WHR1: variants seen among roughly 807,000 people sequenced by gnomAD.
The protein encoded by WHR1 is MHC class III HLA-RP1.
chr6:31,972,548 C>T, the WHR1 span: 6 of 1,594,144 alleles, frequency 3.8e-6, no homozygotes, highest in Middle Eastern at 3.3e-4. This position sits in a 1 kb window ranked among gnomAD's most constrained non-coding sequence, Gnocchi z 6.3. Context: ...GCCTCGCTTC[C>T]GGTAGCCGAG....
the WHR1 span, chr6:31,972,807 A>G: frequency 8.1e-6 from 13 of 1,601,302 alleles, no homozygotes; most frequent in Non-Finnish European, 1.1e-5. The surrounding 1 kb of genome is among the most constrained non-coding windows in gnomAD (Gnocchi z 6.3). Flanking sequence ...AACTCCTGGA[A>G]TTCCCTGTCA....
At chr6:31,972,864 G>T in the WHR1 span, 1 of 1,554,188 alleles carries the variant, frequency 6.4e-7, no homozygotes. This position sits in a 1 kb window ranked among gnomAD's most constrained non-coding sequence, Gnocchi z 6.3. Context: ...CCTTTCAGGC[G>T]AGGGCACTGT....
At chr6:31,980,284 G>A in the WHR1 span, 2 of 592,880 alleles carry the variant, frequency 3.4e-6, no homozygotes, top group African/African-American at 1.9e-5. Flanking sequence ...CACCAACAGA[G>A]GCAGTTGGTG....
chr6:31,971,620 C>T, the WHR1 span: 3 of 1,612,552 alleles, frequency 1.9e-6, no homozygotes, highest in South Asian at 1.1e-5. This position sits in a 1 kb window ranked among gnomAD's most constrained non-coding sequence, Gnocchi z 4.5. Context: ...TAGTTTGTTC[C>T]GAGGCTCAGC....
the WHR1 span, chr6:31,972,320 CCG>C: frequency 6.2e-7 from 1 of 1,613,148 alleles, no homozygotes; most frequent in Non-Finnish European, 8.5e-7. The surrounding 1 kb of genome is among the most constrained non-coding windows in gnomAD (Gnocchi z 6.3). Flanking sequence ...CCCGGGGAGA[CCG>C]TACGTCACTG....
chr6:31,980,067 G>C, the WHR1 span: 7 of 268,440 alleles, frequency 2.6e-5, no homozygotes, highest in Non-Finnish European at 5.0e-5. Flanking sequence ...CACTCTCAGA[G>C]AGATGTGGTG....
chr6:31,971,608 G>A, the WHR1 span: 1 of 1,613,358 alleles, frequency 6.2e-7, no homozygotes, highest in Non-Finnish European at 8.5e-7. This position sits in a 1 kb window ranked among gnomAD's most constrained non-coding sequence, Gnocchi z 4.5. Context: ...TGCTGGACGA[G>A]GTAGTTTGTT....
the WHR1 span, chr6:31,978,859 T>C: frequency 1.9e-6 from 3 of 1,593,744 alleles, no homozygotes; most frequent in Non-Finnish European, 2.6e-6. Context: ...GCAGAGCATC[T>C]TACCCTGATA....
the WHR1 span, among the ~76,000 whole-genome samples, chr6:31,978,350 C>G: frequency 6.6e-6 from 1 of 152,086 alleles, no homozygotes; most frequent in Admixed American, 6.6e-5. Context: ...GTTGCCCAGA[C>G]TGGTCTCGAA....
the WHR1 span, chr6:31,971,958 G>C: frequency 1.9e-6 from 3 of 1,570,346 alleles, no homozygotes; most frequent in African/African-American, 4.0e-5. This position sits in a 1 kb window ranked among gnomAD's most constrained non-coding sequence, Gnocchi z 4.5. Context: ...CACCTCCGCA[G>C]AGCTATGACG....
chr6:31,974,744 G>A, the WHR1 span, among the ~76,000 whole-genome samples: 17 of 152,172 alleles, frequency 1.1e-4, 1 homozygote, highest in South Asian at 3.3e-3. Context: ...GGTAACAGAG[G>A]GAGACCCTGT....
chr6:31,977,582 C>G, the WHR1 span, among the ~76,000 whole-genome samples: 3 of 152,098 alleles, frequency 2.0e-5, no homozygotes, highest in South Asian at 6.2e-4. Context: ...ATCTCCGGAC[C>G]TCGTGATCCA....
the WHR1 span, chr6:31,978,936 G>A: frequency 3.0e-5 from 48 of 1,612,490 alleles, no homozygotes; most frequent in Admixed American, 6.7e-5. Flanking sequence ...GATCAGAATC[G>A]TCCAGCTGGG....
At chr6:31,977,080 T>A in the WHR1 span, among the ~76,000 whole-genome samples, 3 of 152,214 alleles carry the variant, frequency 2.0e-5, no homozygotes, top group African/African-American at 7.2e-5. Context: ...TTGTTTTTAT[T>A]CTCTCTTTGA....
the WHR1 span, chr6:31,978,882 C>T: frequency 7.4e-6 from 12 of 1,611,430 alleles, no homozygotes; most frequent in East Asian, 2.0e-4. Flanking sequence ...CCTCTTTTCA[C>T]TCTCTTCTCT....
chr6:31,978,324 G>C, the WHR1 span, among the ~76,000 whole-genome samples: 2 of 150,248 alleles, frequency 1.3e-5, no homozygotes, highest in Admixed American at 1.3e-4. Flanking sequence ...TGTGGCGGGT[G>C]GGGGGGTCTC....
the WHR1 span, chr6:31,972,886 G>A: frequency 6.9e-7 from 1 of 1,458,726 alleles, no homozygotes; most frequent in Non-Finnish European, 9.3e-7. This position sits in a 1 kb window ranked among gnomAD's most constrained non-coding sequence, Gnocchi z 6.3. Context: ...CCAGGCACTG[G>A]GGTGCCACAG....
At chr6:31,975,995 G>A in the WHR1 span, among the ~76,000 whole-genome samples, 285 of 149,526 alleles carry the variant, frequency 1.9e-3, no homozygotes, top group African/African-American at 3.7e-3. Context: ...GGGCAGAGGC[G>A]CCCCTCACCT....
At chr6:31,975,881 C>T in the WHR1 span, among the ~76,000 whole-genome samples, 248 of 151,904 alleles carry the variant, frequency 1.6e-3, 2 homozygotes, top group East Asian at 0.012. Context: ...CCTCACCTCC[C>T]GGACAGGGCG....
Sources: allele counts gnomAD v4.1 joint callset (sites outside exome capture counted in the v4.1 genomes callset), GRCh38; gene constraint gnomAD v4.1.1; non-coding constraint Gnocchi (gnomAD v3.1); transcripts MANE v1.5; gene names NCBI Gene and HGNC (gene_info 2026-07-23, HGNC 2026-07-21).